The following PHACTR3 variants were observed in gnomAD, a reference collection of about 807,000 sequenced individuals.
The protein encoded by PHACTR3 is protein phosphatase 1, regulatory subunit 123.
Under a neutral mutation model 66.8 loss-of-function variants are expected in PHACTR3, and 16 were observed. That is an observed-to-expected ratio of 0.24 (90% confidence interval 0.16 to 0.36). The LOEUF (loss-of-function observed/expected upper bound fraction) is 0.36, where lower values mean the gene tolerates loss of function less well. Among genes scored for constraint, PHACTR3 ranks in the 10% least tolerant of loss-of-function variants. PHACTR3 has a pLI of 1.00. For missense variants in PHACTR3, 647 were observed against 719.9 expected, an observed-to-expected ratio of 0.90 and a Z score of 1.16; for synonymous variants, 323 against 292.1, an observed-to-expected ratio of 1.11 and a Z score of -1.08.
Position 59,671,112 on chromosome 20 carries a change from C to CT in PHACTR3, c.118+65988dup, listed in dbSNP as rs550353107. 1.4e-4 allele frequency among the ~76,000 whole-genome samples: 22 copies of CT among 152,172 alleles called. No homozygotes were observed. The South Asian group carries it at 3.1e-3, about 22-fold the overall frequency. ...TGGTTCTCCTTCTGTTTATTCTGAG[C>CT]TTTTTTTTCTTCATTTAGCATCAAT... On this transcript the variant is annotated intron_variant, in intron 1 of 12. Transcript: ENST00000371015.
chr20:59,833,553 C>CG (rs1043445067), intron 8 of PHACTR3, among the ~76,000 whole-genome samples: 6 of 151,932 alleles, frequency 3.9e-5, no homozygotes, highest in Non-Finnish European at 5.9e-5. Context: ...CAACAAAGGG[C>CG]GGGGGGAAGC....
At chr20:59,656,503 A>G (rs2035625528) in intron 1 of PHACTR3, among the ~76,000 whole-genome samples, 1 of 151,840 alleles carries the variant, frequency 6.6e-6, no homozygotes, top group Non-Finnish European at 1.5e-5. Flanking sequence ...ATCTTTTTCC[A>G]TTCTTTACTT....
chr20:59,630,887 G>A (rs2034636203), intron 1 of PHACTR3, among the ~76,000 whole-genome samples: 1 of 152,106 alleles, frequency 6.6e-6, no homozygotes, highest in East Asian at 1.9e-4. Context: ...TGTTCTAGGG[G>A]ATTCGAGGAG....
At chr20:59,774,130 C>T (rs1056662121) in intron 6 of PHACTR3, 113 bp from the exon 7 acceptor site, 1 of 1,372,848 alleles carries the variant, frequency 7.3e-7, no homozygotes, top group Admixed American at 2.4e-5. Flanking sequence ...ACCAAGAGGT[C>T]ACATGCATTT....
rs187239285 is a variant in PHACTR3, at chr20:59,623,264, C to G, written c.118+18132C>G. Among the ~76,000 whole-genome samples, 13 of 152,060 alleles carry G rather than the reference C, an allele frequency of 8.5e-5. No homozygotes were observed. The East Asian group carries it at 2.5e-3, about 30-fold the overall frequency. ...GGCTCCGCATGGATCAGGCTTGGTCCAGCCCGTGTTATGACCTTCCAGCTG... is the reference window on the plus strand; with the variant it reads ...GGCTCCGCATGGATCAGGCTTGGTCGAGCCCGTGTTATGACCTTCCAGCTG... On this transcript the variant is annotated intron_variant, in intron 1 of 12. Coordinates refer to ENST00000371015, the MANE Select transcript of PHACTR3 (RefSeq NM_080672.5).
chr20:59,589,511 T>A lies in PHACTR3; in HGVS notation c.109+11894T>A, dbSNP rs539212204. On this transcript the variant is annotated intron_variant, in intron 1 of 12. Coordinates refer to the PHACTR3 transcript ENST00000359926. ...TACCTATAAGCCTAGTGCTATGGAT[T>A]TTCTGTAATTTATAGCTCGGGCTAC... 9.8e-5 allele frequency among the ~76,000 whole-genome samples: 15 copies of A among 152,298 alleles called. No homozygotes were observed. In the South Asian group the frequency reaches 3.1e-3, roughly 32 times the overall value.
rs1323712252 is a variant in PHACTR3, at chr20:59,817,599, T to TTC, written c.1328+11405_1328+11406insTC. ...ACAGAGTAGAAGTCACAGACCCAAATGCTCCATAAGTGACCTGGGCCAGGC... is the reference window on the plus strand; with the variant it reads ...ACAGAGTAGAAGTCACAGACCCAAATTCGCTCCATAAGTGACCTGGGCCAGGC... On this transcript the variant is annotated intron_variant, in intron 8 of 12. Coordinates refer to ENST00000371015, the MANE Select transcript of PHACTR3 (RefSeq NM_080672.5). Among the ~76,000 whole-genome samples, 3 of 152,336 alleles carry TTC rather than the reference T, an allele frequency of 2.0e-5. No homozygotes were observed. In the East Asian group the frequency reaches 5.8e-4, roughly 29 times the overall value.
At chr20:59,588,289 G>C (rs931148281) in intron 1 of PHACTR3, among the ~76,000 whole-genome samples, 5 of 152,160 alleles carry the variant, frequency 3.3e-5, no homozygotes, top group Non-Finnish European at 7.3e-5. Flanking sequence ...TTGATAAAAA[G>C]ACCCGGTTGA....
chr20:59,803,448 A>G (rs1208552118), intron 7 of PHACTR3, among the ~76,000 whole-genome samples: 3 of 152,148 alleles, frequency 2.0e-5, no homozygotes, highest in African/African-American at 7.2e-5. Context: ...TAAGGAAACT[A>G]TATAAAAAAT....
intron 1 of PHACTR3, among the ~76,000 whole-genome samples, chr20:59,612,677 C>A (rs2033892774): frequency 1.3e-5 from 2 of 152,200 alleles, no homozygotes; most frequent in Admixed American, 6.5e-5. Context: ...AGCCACCGCG[C>A]CTGGCTGACC....
At chr20:59,666,232 G>A (rs982357119) in intron 1 of PHACTR3, among the ~76,000 whole-genome samples, 6 of 152,178 alleles carry the variant, frequency 3.9e-5, no homozygotes, top group Non-Finnish European at 8.8e-5. Context: ...GCAGACCTAG[G>A]CATTGTGTCC....
chr20:59,707,154 G>A lies in PHACTR3; in HGVS notation c.119-35953G>A, dbSNP rs577466124. Among the ~76,000 whole-genome samples, 3 of 152,336 alleles carry A rather than the reference G, an allele frequency of 2.0e-5. No homozygotes were observed. The South Asian group carries it at 6.2e-4, about 32-fold the overall frequency. ...CAGTGATGTGGACCACGCCAGCAGG[G>A]CTCTGCTGTCTTGTGCCTGGCTCTG... On this transcript the variant is annotated intron_variant, in intron 1 of 12. Coordinates refer to ENST00000371015, the MANE Select transcript of PHACTR3 (RefSeq NM_080672.5).
At chr20:59,743,037 C>A (rs2039225880) in intron 1 of PHACTR3, 70 bp from the exon 2 acceptor site, 1 of 1,537,680 alleles carries the variant, frequency 6.5e-7, no homozygotes, top group Non-Finnish European at 8.8e-7. Context: ...GAGAGGTCAT[C>A]ACCTTGGGCC....
At chr20:59,641,481 C>T (rs1369351536) in intron 1 of PHACTR3, among the ~76,000 whole-genome samples, 4 of 152,166 alleles carry the variant, frequency 2.6e-5, no homozygotes, top group African/African-American at 4.8e-5. Flanking sequence ...TGATTCAGCT[C>T]GAAGACAGAT....
At chr20:59,823,241 C>T (rs140871341) in intron 8 of PHACTR3, among the ~76,000 whole-genome samples, 118 of 152,322 alleles carry the variant, frequency 7.7e-4, no homozygotes, top group African/African-American at 2.6e-3. Context: ...CCACTGTCCA[C>T]GGGGCCATTT....
intron 3 of PHACTR3, among the ~76,000 whole-genome samples, chr20:59,751,484 G>A (rs1030650723): frequency 6.6e-6 from 1 of 152,132 alleles, no homozygotes; most frequent in Non-Finnish European, 1.5e-5. Flanking sequence ...ACACACACAT[G>A]TACATACACA....
At chr20:59,692,717 G>T (rs1049179518) in intron 1 of PHACTR3, among the ~76,000 whole-genome samples, 2 of 152,178 alleles carry the variant, frequency 1.3e-5, no homozygotes, top group Admixed American at 6.5e-5. Flanking sequence ...GGAGCTCTAT[G>T]GAAAGAGTTG....
chr20:59,839,065 T>A (rs2059013897), intron 9 of PHACTR3, among the ~76,000 whole-genome samples: 1 of 152,118 alleles, frequency 6.6e-6, no homozygotes, highest in Non-Finnish European at 1.5e-5. Context: ...TCTGACTTTG[T>A]TTCAATCTTT....
intron 1 of PHACTR3, among the ~76,000 whole-genome samples, chr20:59,672,181 T>C (rs860973): frequency 0.87 from 132,146 of 152,236 alleles, 57,653 homozygotes; most frequent in East Asian, 1. Flanking sequence ...TACTGCTAAG[T>C]ACCCCCACAG....
Sources: gnomAD v4.1 joint callset for allele counts (sites outside exome capture counted in the v4.1 genomes callset) on GRCh38, gnomAD v4.1.1 for gene constraint, MANE v1.5 for transcripts, NCBI Gene and HGNC (gene_info 2026-07-23, HGNC 2026-07-21) for gene names.